OSBPL3: variants seen among roughly 807,000 people sequenced by gnomAD.
OSBPL3 encodes the protein oxysterol binding protein like 3.
In OSBPL3, 65 loss-of-function variants were observed where a neutral mutation model predicts 120.1. The observed-to-expected ratio is 0.54, with a 90% CI of 0.44 to 0.67. The LOEUF (loss-of-function observed/expected upper bound fraction) is 0.67, where lower values mean the gene tolerates loss of function less well. Ranked by LOEUF, OSBPL3 falls within the 30% of genes least tolerant of loss-of-function variation. OSBPL3 has a pLI of 0.00. For missense variants in OSBPL3, 1,004 were observed against 1,082.1 expected, an observed-to-expected ratio of 0.93 and a Z score of 1.01; for synonymous variants, 416 against 402.6, an observed-to-expected ratio of 1.03 and a Z score of -0.40.
At position 24,937,456 on chromosome 7, in the gene OSBPL3, C is replaced by A. The variant is rs1422618755; in HGVS notation, c.-150+42430G>T. ...TGTTCAACATTATTCTTGAGGTTTA[C>A]CCATAAGGATACATATAGTTTTAGT... On this transcript the variant is annotated intron_variant, in intron 1 of 22. Coordinates refer to ENST00000313367, the MANE Select transcript of OSBPL3 (RefSeq NM_015550.4). This position sits in a 1 kb window ranked among gnomAD's most constrained non-coding sequence, Gnocchi z 4.0. Among the ~76,000 whole-genome samples, 1 of 152,116 alleles carries A rather than the reference C, an allele frequency of 6.6e-6. No individual in the cohort carries two copies. Among genetic ancestry groups the A allele is most frequent in the Non-Finnish European group, 1.5e-5 (1 of 68,030 alleles).
Position 24,827,911 on chromosome 7 carries a change from C to T in OSBPL3, c.1884+2857G>A, listed in dbSNP as rs116827033. 6.9e-3 allele frequency among the ~76,000 whole-genome samples: 1,057 copies of T among 152,306 alleles called. 15 individuals carry two copies. The highest frequency in any genetic ancestry group is 0.024 in the African/African-American group (988 of 41,566). ...ACTTGTACTAGAAGTGGAGATATAG[C>T]ATATCTTATTTGAACATAAGAAAGT... On this transcript the variant is annotated intron_variant, in intron 16 of 22. Coordinates refer to ENST00000313367, the MANE Select transcript of OSBPL3 (RefSeq NM_015550.4). The surrounding 1 kb of genome is among the most constrained non-coding windows in gnomAD (Gnocchi z 5.1).
In OSBPL3 at chr7:24,802,369, G is replaced by A. The variant is rs541962201; in HGVS notation, c.2567+1946C>T. ...AACAGTCCCAAGGAGGACTGCTACTGCTGAACAACTCTCGCTCTTTCTCCA... is the reference window on the plus strand; with the variant it reads ...AACAGTCCCAAGGAGGACTGCTACTACTGAACAACTCTCGCTCTTTCTCCA... On this transcript the variant is annotated intron_variant, in intron 22 of 22. Transcript: ENST00000313367. The surrounding 1 kb of genome is among the most constrained non-coding windows in gnomAD (Gnocchi z 4.1). 2.2e-4 allele frequency among the ~76,000 whole-genome samples: 33 copies of A among 152,250 alleles called. No individual in the cohort carries two copies. The highest frequency in any genetic ancestry group is 4.3e-4 in the Non-Finnish European group (29 of 68,032).
Position 24,817,435 on chromosome 7 carries a change from G to A in OSBPL3, c.1949-747C>T, listed in dbSNP as rs536401190. Reference sequence around the variant, plus strand: ...AGGAGGCTGAGGCAGGAACCCAAGAGGTGGAGGTTGCAGTGAGCCAAGATC... The same window carrying A: ...AGGAGGCTGAGGCAGGAACCCAAGAAGTGGAGGTTGCAGTGAGCCAAGATC... On this transcript the variant is annotated intron_variant, in intron 17 of 22. Transcript: ENST00000313367. This position sits in a 1 kb window ranked among gnomAD's most constrained non-coding sequence, Gnocchi z 4.0. 6.6e-6 allele frequency among the ~76,000 whole-genome samples: 1 copy of A among 152,116 alleles called. No individual in the cohort carries two copies. The highest frequency in any genetic ancestry group is 6.6e-5 in the Admixed American group (1 of 15,262).
intron 5 of OSBPL3, among the ~76,000 whole-genome samples, chr7:24,869,825 A>G (rs1327996672): frequency 6.6e-6 from 1 of 152,264 alleles, no homozygotes; most frequent in Non-Finnish European, 1.5e-5. Flanking sequence ...TAGAGAGGAC[A>G]GGGACACATT....
In OSBPL3 at chr7:24,820,307, C is replaced by G. The variant is rs1794966522; in HGVS notation, c.1885-69G>C. The G allele has an allele frequency of 2.7e-6, 3 of 1,123,518 alleles. No individual in the cohort carries two copies. In the South Asian group the frequency reaches 3.9e-5, roughly 15 times the overall value. The allele number at this position is 1,123,518 out of a possible 1,614,324, so 69.6% of individuals were successfully genotyped here. ...TTGTGTCTCATGAAATCCATTCTTT[C>G]TCCCCTGCACTGAGATGTAACAGCG... is the stretch of plus-strand genomic sequence containing the variant. On this transcript the variant is annotated intron_variant, in intron 16 of 22. Coordinates refer to ENST00000313367, the MANE Select transcript of OSBPL3 (RefSeq NM_015550.4). This position sits in a 1 kb window ranked among gnomAD's most constrained non-coding sequence, Gnocchi z 4.6.
At chr7:24,889,079 C>T (rs1487784101) in intron 2 of OSBPL3, among the ~76,000 whole-genome samples, 1 of 152,120 alleles carries the variant, frequency 6.6e-6, no homozygotes, top group Non-Finnish European at 1.5e-5. Context: ...ACATGTAGGG[C>T]TCCTTTGTGT....
At chr7:24,979,097 C>T (rs1030454298) in intron 1 of OSBPL3, among the ~76,000 whole-genome samples, 8 of 152,160 alleles carry the variant, frequency 5.3e-5, no homozygotes, top group African/African-American at 1.7e-4. Flanking sequence ...AAGAATTTAC[C>T]TGACCACGGA....
In OSBPL3 at chr7:24,852,743, A is replaced by G. The variant is rs752116361; in HGVS notation, c.1028-109T>C. 49 of 709,136 alleles carry G rather than the reference A, an allele frequency of 6.9e-5. No individual in the cohort carries two copies. The highest frequency in any genetic ancestry group is 1.1e-4 in the Non-Finnish European group (49 of 455,442). 43.9% of individuals were successfully genotyped at this position (709,136 alleles called of 1,614,324 possible). A position where few individuals can be genotyped will look rare whatever the true frequency, so the allele number is the denominator to read the frequency against. On this transcript the variant is annotated intron_variant, in intron 10 of 22. Coordinates refer to ENST00000313367, the MANE Select transcript of OSBPL3 (RefSeq NM_015550.4). The surrounding 1 kb of genome is among the most constrained non-coding windows in gnomAD (Gnocchi z 4.1). ...GAAACAAGCAAAGTAACAGCCCTGA[A>G]TATTTTGAGTATAGCAAATGTACAT...
chr7:24,939,364 G>A lies in OSBPL3; in HGVS notation c.-150+40522C>T, dbSNP rs1047860755. Among the ~76,000 whole-genome samples the A allele has an allele frequency of 3.3e-5, 5 of 152,118 alleles. No homozygotes were observed. Among genetic ancestry groups the A allele is most frequent in the Admixed American group, 2.0e-4 (3 of 15,276 alleles). ...AAGCTATGTGCTTGAGGAGAGCTTGGGCTCCTCCCCAACCCCAGCTGTAAA... is the reference window on the plus strand; with the variant it reads ...AAGCTATGTGCTTGAGGAGAGCTTGAGCTCCTCCCCAACCCCAGCTGTAAA... On this transcript the variant is annotated intron_variant, in intron 1 of 22. Transcript: ENST00000313367. The surrounding 1 kb of genome is among the most constrained non-coding windows in gnomAD (Gnocchi z 4.2).
intron 2 of OSBPL3, among the ~76,000 whole-genome samples, chr7:24,880,719 G>A (rs1444488547): frequency 1.3e-5 from 2 of 152,112 alleles, no homozygotes; most frequent in Non-Finnish European, 2.9e-5. Context: ...TGCGAAAAAT[G>A]AGTGAGGGGC....
rs1198822117 is a variant in OSBPL3 at position 24,872,822 on chromosome 7, A to C, written c.97-753T>G. Among the ~76,000 whole-genome samples the C allele has an allele frequency of 6.6e-6, 1 of 152,316 alleles. No homozygotes were observed. Among genetic ancestry groups the C allele is most frequent in the African/African-American group, 2.4e-5 (1 of 41,580 alleles). ...TGAAAAAGAATTTTAAAAGAAATAG[A>C]AGAACACTAAAAGTTCTGAAAATTT... On this transcript the variant is annotated intron_variant, in intron 2 of 22. Transcript: ENST00000313367. This position sits in a 1 kb window ranked among gnomAD's most constrained non-coding sequence, Gnocchi z 4.1.
Position 24,912,446 on chromosome 7 carries a change from A to G in OSBPL3, c.-149-19825T>C, listed in dbSNP as rs1406425308. Among the ~76,000 whole-genome samples, 1 of 152,126 alleles carries G rather than the reference A, an allele frequency of 6.6e-6. No homozygotes were observed. Among genetic ancestry groups the G allele is most frequent in the Non-Finnish European group, 1.5e-5 (1 of 68,014 alleles). ...GCAGATTCACTGCAGACATCCATTGATTTAGGGAGTTTAGCACATTAAGGG... is the reference window on the plus strand; with the variant it reads ...GCAGATTCACTGCAGACATCCATTGGTTTAGGGAGTTTAGCACATTAAGGG... On this transcript the variant is annotated intron_variant, in intron 1 of 22. Transcript: ENST00000313367. This position sits in a 1 kb window ranked among gnomAD's most constrained non-coding sequence, Gnocchi z 4.5.
rs550917275 is a variant in OSBPL3 at position 24,959,447 on chromosome 7, A to G, written c.-150+20439T>C. On this transcript the variant is annotated intron_variant, in intron 1 of 22. Coordinates refer to ENST00000313367, the MANE Select transcript of OSBPL3 (RefSeq NM_015550.4). This position sits in a 1 kb window ranked among gnomAD's most constrained non-coding sequence, Gnocchi z 4.3. ...ATCAAAATATGAGTGACTCTCACAGACCTAAAGCGTTAACATGAGTCAATT... is the reference window on the plus strand; with the variant it reads ...ATCAAAATATGAGTGACTCTCACAGGCCTAAAGCGTTAACATGAGTCAATT... Among the ~76,000 whole-genome samples, 7 of 152,324 alleles carry G rather than the reference A, an allele frequency of 4.6e-5. No homozygotes were observed. Among genetic ancestry groups the G allele is most frequent in the African/African-American group, 1.7e-4 (7 of 41,578 alleles).
Position 24,938,779 on chromosome 7 carries a change from ATGTGTGTGTGTG to A in OSBPL3, c.-150+41095_-150+41106del, listed in dbSNP as rs142720310. On this transcript the variant is annotated intron_variant, in intron 1 of 22. Coordinates refer to ENST00000313367, the MANE Select transcript of OSBPL3 (RefSeq NM_015550.4). The surrounding 1 kb of genome is among the most constrained non-coding windows in gnomAD (Gnocchi z 5.8). ...AACTGAATAATGAGGTTTTGTTTTGATGTGTGTGTGTGTGTGTGTGTGTGTGTGTGTGTGTGT... is the reference window on the plus strand; with the variant it reads ...AACTGAATAATGAGGTTTTGTTTTGATGTGTGTGTGTGTGTGTGTGTGTGT... Among the ~76,000 whole-genome samples the A allele has an allele frequency of 0.026, 2,432 of 94,234 alleles. 42 individuals carry two copies. Among genetic ancestry groups the A allele is most frequent in the Middle Eastern group, 0.066 (13 of 198 alleles). The allele number at this position is 94,234 out of a possible 152,430, so 61.8% of individuals were successfully genotyped here.
intron 1 of OSBPL3, 59 bp from the exon 2 acceptor site, chr7:24,892,680 A>C: frequency 8.0e-7 from 1 of 1,244,132 alleles, no homozygotes; most frequent in Non-Finnish European, 1.0e-6. Flanking sequence ...CTAATTTGCC[A>C]CAAATTGTCT....
chr7:24,812,809 G>A (rs755294750), intron 19 of OSBPL3, among the ~76,000 whole-genome samples: 4 of 152,044 alleles, frequency 2.6e-5, no homozygotes, highest in Non-Finnish European at 4.4e-5. Flanking sequence ...ATTTAAAGTT[G>A]AGCTCTCCAG....
chr7:24,923,290 C>A (rs562903245), intron 1 of OSBPL3, among the ~76,000 whole-genome samples: 1 of 152,040 alleles, frequency 6.6e-6, no homozygotes, highest in East Asian at 1.9e-4. Context: ...CTCCTAGAAC[C>A]AGCCTCTTCC....
At chr7:24,870,616 G>A (rs1801972582) in intron 5 of OSBPL3, 116 bp downstream of exon 5, 1 of 678,224 alleles carries the variant, frequency 1.5e-6, no homozygotes, top group East Asian at 2.7e-5. Context: ...GAAACACTTT[G>A]GTAATGAAGG....
At position 24,804,573 on chromosome 7, in the gene OSBPL3, T is replaced by C; in HGVS notation, c.2445-136A>G. 1 of 707,838 alleles carries C rather than the reference T, an allele frequency of 1.4e-6. No individual in the cohort carries two copies. Among genetic ancestry groups the C allele is most frequent in the Non-Finnish European group, 2.3e-6 (1 of 434,162 alleles). 43.8% of individuals were successfully genotyped at this position (707,838 alleles called of 1,614,324 possible). ...TACGTAAGACCCCGCCCCAACCGTT[T>C]AATCCGTATCTTGAAGTAGTCAGAG... On this transcript the variant is annotated intron_variant, in intron 21 of 22. Coordinates refer to ENST00000313367, the MANE Select transcript of OSBPL3 (RefSeq NM_015550.4). The surrounding 1 kb of genome is among the most constrained non-coding windows in gnomAD (Gnocchi z 5.4).
Sources: gnomAD v4.1 joint callset for allele counts (sites outside exome capture counted in the v4.1 genomes callset) on GRCh38, gnomAD v4.1.1 for gene constraint, Gnocchi (gnomAD v3.1) non-coding constraint, MANE v1.5 for transcripts, NCBI Gene and HGNC (gene_info 2026-07-23, HGNC 2026-07-21) for gene names.